BCL7C: variants seen among roughly 807,000 people sequenced by gnomAD.
The protein encoded by BCL7C is BAF chromatin remodeling complex subunit BCL7C, also known as B-cell CLL/lymphoma 7 protein family member C.
Under a neutral mutation model 26.2 loss-of-function variants are expected in BCL7C, and 8 were observed. The observed-to-expected ratio is 0.30, with a 90% CI of 0.18 to 0.55. The LOEUF (loss-of-function observed/expected upper bound fraction) is 0.55, where lower values mean the gene tolerates loss of function less well. Among genes scored for constraint, BCL7C ranks in the 20% least tolerant of loss-of-function variants. The pLI is 0.93. For missense variants in BCL7C, 262 were observed against 298.5 expected, an observed-to-expected ratio of 0.88 and a Z score of 0.90; for synonymous variants, 90 against 116.5, an observed-to-expected ratio of 0.77 and a Z score of 1.47.
Position 30,834,987 on chromosome 16 carries a change from C to T in BCL7C, c.690G>A (p.Pro230=), listed in dbSNP as rs931036500. 6.5e-7 allele frequency: 1 copy of T among 1,547,654 alleles called. No homozygotes were observed. Among genetic ancestry groups the T allele is most frequent in the Non-Finnish European group, 8.7e-7 (1 of 1,146,172 alleles). The change falls in exon 6 of 6, where the codon CCG becomes CCA. Residue 230 remains proline, a synonymous_variant. Coordinates refer to the BCL7C transcript ENST00000380317. This position sits in a 1 kb window ranked among gnomAD's most constrained non-coding sequence, Gnocchi z 4.3. Reference sequence around the variant, plus strand: ...CCTGGGGGATTGTTCTGGGTGCCCTCGGGGCCTTGCTGCCTCCCCCGGGAG... The same window carrying T: ...CCTGGGGGATTGTTCTGGGTGCCCTTGGGGCCTTGCTGCCTCCCCCGGGAG...
chr16:30,843,605 A>T (rs2054616036), intron 5 of BCL7C, among the ~76,000 whole-genome samples: 1 of 151,860 alleles, frequency 6.6e-6, no homozygotes, highest in Non-Finnish European at 1.5e-5. Context: ...GGATTCTTCT[A>T]TTGGTGTTTG....
downstream of BCL7C, among the ~76,000 whole-genome samples, chr16:30,884,590 G>A (rs888847113): frequency 6.2e-5 from 9 of 145,460 alleles, no homozygotes; most frequent in South Asian, 2.2e-4. Context: ...TCCTCCTCCC[G>A]GGTTCAAGAG....
In BCL7C at chr16:30,849,186, C is replaced by CA. The variant is rs79172299; in HGVS notation, c.529-14039dup. Among the ~76,000 whole-genome samples the CA allele has an allele frequency of 2.4e-3, 294 of 124,730 alleles. 1 individual carries two copies. The highest frequency in any genetic ancestry group is 0.018 in the South Asian group (70 of 3,912). 81.8% of individuals were successfully genotyped at this position (124,730 alleles called of 152,430 possible). On this transcript the variant is annotated intron_variant, in intron 5 of 5. Transcript: ENST00000380317. Reference sequence around the variant, plus strand: ...TGGGGGACAGAGCAAGACTCCGTCTCAAAAAAAAAAAAAGAAAAAGAAAAA... The same window carrying CA: ...TGGGGGACAGAGCAAGACTCCGTCTCAAAAAAAAAAAAAAGAAAAAGAAAAA...
At chr16:30,853,084 C>T (rs758613564) in intron 5 of BCL7C, among the ~76,000 whole-genome samples, 9 of 151,722 alleles carry the variant, frequency 5.9e-5, no homozygotes, top group South Asian at 4.2e-4. Context: ...TACAGACATG[C>T]GCCACCACGC....
rs746198772 is a variant in BCL7C, at chr16:30,887,830, G to C, written c.*35C>G. 5 of 1,536,386 alleles carry C rather than the reference G, an allele frequency of 3.3e-6. No homozygotes were observed. The South Asian group carries it at 6.2e-5, about 19-fold the overall frequency. On this transcript the variant is annotated 3_prime_UTR_variant, in exon 6 of 6. Coordinates refer to ENST00000215115, the MANE Select transcript of BCL7C (RefSeq NM_004765.4). ...GTCTTTATTTGTAAAAAGCCAAAGGGGCCCCTGGGGCAACAGGACAGGCAG... is the reference window on the plus strand; with the variant it reads ...GTCTTTATTTGTAAAAAGCCAAAGGCGCCCCTGGGGCAACAGGACAGGCAG...
chr16:30,835,751 C>T (rs769812653), intron 5 of BCL7C, among the ~76,000 whole-genome samples: 1 of 151,336 alleles, frequency 6.6e-6, no homozygotes, highest in Non-Finnish European at 1.5e-5. Flanking sequence ...GAGGCTGATA[C>T]AGGAGAATCT....
At chr16:30,866,965 G>A (rs1248975234) in intron 5 of BCL7C, among the ~76,000 whole-genome samples, 1 of 152,132 alleles carries the variant, frequency 6.6e-6, no homozygotes, top group African/African-American at 2.4e-5. Context: ...GAGGCTGGAG[G>A]ATCACTTGAG....
intron 5 of BCL7C, among the ~76,000 whole-genome samples, chr16:30,859,546 A>C (rs2054752075): frequency 6.6e-6 from 1 of 152,156 alleles, no homozygotes; most frequent in Non-Finnish European, 1.5e-5. Flanking sequence ...TCCACAAAAG[A>C]AGTGAAAATA....
chr16:30,865,193 A>G (rs977519711), intron 5 of BCL7C, among the ~76,000 whole-genome samples: 2 of 150,572 alleles, frequency 1.3e-5, no homozygotes, highest in East Asian at 3.9e-4. Flanking sequence ...AAAAAAAAAA[A>G]GTACTTTGTA....
chr16:30,875,095 C>G (rs950956185), intron 5 of BCL7C: 1 of 153,336 alleles, frequency 6.5e-6, no homozygotes, highest in Non-Finnish European at 1.5e-5. Context: ...CGCAAGGGAG[C>G]TGAAGAAGCC....
downstream of BCL7C, among the ~76,000 whole-genome samples, chr16:30,886,960 C>T (rs371764699): frequency 5.3e-5 from 8 of 152,114 alleles, no homozygotes; most frequent in African/African-American, 1.9e-4. Context: ...AACACTTGAG[C>T]CCAGGAGTTC....
intron 4 of BCL7C, among the ~76,000 whole-genome samples, chr16:30,891,191 G>A (rs983670043): frequency 6.2e-5 from 9 of 144,390 alleles, no homozygotes; most frequent in Non-Finnish European, 1.4e-4. Context: ...AAAAAAGGCT[G>A]GGCGTGGTGG....
chr16:30,886,178 C>T (rs1386558002), downstream of BCL7C, among the ~76,000 whole-genome samples: 2 of 152,134 alleles, frequency 1.3e-5, no homozygotes, highest in Non-Finnish European at 2.9e-5. Context: ...CAATTTGGTC[C>T]TCTCTGAACC....
intron 5 of BCL7C, chr16:30,851,628 CT>C: frequency 1.8e-6 from 1 of 542,400 alleles, no homozygotes. Flanking sequence ...CACAGCAGGC[CT>C]TGCAGTTTTT....
chr16:30,858,682 C>T (rs1164100164), intron 5 of BCL7C, among the ~76,000 whole-genome samples: 1 of 152,142 alleles, frequency 6.6e-6, no homozygotes, highest in Non-Finnish European at 1.5e-5. Context: ...GAAATCCTAT[C>T]ACATGTCAGA....
intron 5 of BCL7C, chr16:30,875,806 TAAGGC>T (rs2054941314): frequency 6.6e-6 from 1 of 152,234 alleles, no homozygotes; most frequent in South Asian, 2.1e-4. Flanking sequence ...ATACTGCTTT[TAAGGC>T]CATCCTCTGC....
intron 5 of BCL7C, among the ~76,000 whole-genome samples, chr16:30,847,834 T>C (rs1199695930): frequency 6.6e-6 from 1 of 151,596 alleles, no homozygotes; most frequent in Admixed American, 6.6e-5. Context: ...AATCTCACCA[T>C]GTTTCAGGGG....
downstream of BCL7C, among the ~76,000 whole-genome samples, chr16:30,884,577 A>G (rs1224126097): frequency 6.8e-6 from 1 of 147,986 alleles, no homozygotes; most frequent in Non-Finnish European, 1.5e-5. Flanking sequence ...GCTCACTGCA[A>G]CCTCCTCCTC....
intron 5 of BCL7C, among the ~76,000 whole-genome samples, chr16:30,868,655 C>T (rs1045827512): frequency 2.6e-5 from 4 of 151,576 alleles, no homozygotes; most frequent in Non-Finnish European, 4.4e-5. Flanking sequence ...TGTGGTGGCA[C>T]GCGCCTGTGA....
Sources: gnomAD v4.1 joint callset for allele counts (sites outside exome capture counted in the v4.1 genomes callset) on GRCh38, gnomAD v4.1.1 for gene constraint, Gnocchi (gnomAD v3.1) non-coding constraint, MANE v1.5 for transcripts, NCBI Gene and HGNC (gene_info 2026-07-23, HGNC 2026-07-21) for gene names.